XPO4: variants seen among roughly 807,000 people sequenced by gnomAD.
XPO4 encodes the protein exportin 4.
Under a neutral mutation model 143.0 loss-of-function variants are expected in XPO4, and 39 were observed. The ratio of observed to expected loss-of-function variants is 0.27; its 90% CI spans 0.21 to 0.36. The LOEUF is 0.36. XPO4 is among the 10% of genes least tolerant of loss of function. XPO4 has a pLI of 1.00. For synonymous variants in XPO4, 439 were observed against 474.0 expected (o/e 0.93, Z 0.96); for missense variants, 907 against 1,348.0 (o/e 0.67, Z 5.12).
intron 1 of XPO4, among the ~76,000 whole-genome samples, chr13:20,887,369 A>G (rs981572251): frequency 6.6e-5 from 10 of 152,298 alleles, no homozygotes; most frequent in African/African-American, 1.2e-4. Context: ...TCCACGTTGT[A>G]TATATATATT....
intron 9 of XPO4, among the ~76,000 whole-genome samples, chr13:20,817,277 A>C (rs1037651349): frequency 3.9e-5 from 6 of 152,204 alleles, no homozygotes; most frequent in African/African-American, 1.2e-4. Flanking sequence ...ACATAACCTC[A>C]CTACAAAGTA....
At chr13:20,849,660 T>C (rs2138081717) in intron 4 of XPO4, 1 of 984,938 alleles carries the variant, frequency 1.0e-6, no homozygotes, top group Non-Finnish European at 1.2e-6. Flanking sequence ...TTAATAATCA[T>C]ACAGGCATAA....
At chr13:20,824,714 G>A (rs2059762713) in intron 7 of XPO4, among the ~76,000 whole-genome samples, 1 of 152,082 alleles carries the variant, frequency 6.6e-6, no homozygotes, top group African/African-American at 2.4e-5. Context: ...ATCACCACCT[G>A]AATATGGAAA....
At position 20,863,203 on chromosome 13, in the gene XPO4, T is replaced by C. The variant is rs1013493197; in HGVS notation, c.176-345A>G. On this transcript the variant is annotated intron_variant, in intron 2 of 22. Coordinates refer to ENST00000255305, the MANE Select transcript of XPO4 (RefSeq NM_022459.5). ...AAAATTTCCTAAGATTCTCACCCTG[T>C]GCAAAACAGAACTTTGTATCTGAAA... is the stretch of plus-strand genomic sequence containing the variant. The C allele has an allele frequency of 3.9e-6, 3 of 760,526 alleles. No individual in the cohort carries two copies. In the South Asian group the frequency reaches 1.7e-4, roughly 42 times the overall value. 47.1% of individuals were successfully genotyped at this position (760,526 alleles called of 1,614,324 possible).
intron 4 of XPO4, chr13:20,852,650 A>G (rs1228596075): frequency 2.1e-6 from 2 of 966,604 alleles, no homozygotes; most frequent in Non-Finnish European, 1.2e-6. Context: ...CATTTAAATA[A>G]TGATTATGAA....
intron 1 of XPO4, among the ~76,000 whole-genome samples, chr13:20,870,446 A>C (rs2060284744): frequency 6.6e-6 from 1 of 151,426 alleles, no homozygotes; most frequent in Admixed American, 6.6e-5. Context: ...AAAAAAAAAA[A>C]AATTTACTAA....
intron 1 of XPO4, among the ~76,000 whole-genome samples, chr13:20,882,914 A>C (rs2060426467): frequency 6.6e-6 from 1 of 151,320 alleles, no homozygotes; most frequent in Admixed American, 6.6e-5. Flanking sequence ...AGGGAGTGTA[A>C]GAGAATAAAG....
chr13:20,795,936 C>G, intron 18 of XPO4, 140 bp downstream of exon 18: 1 of 910,320 alleles, frequency 1.1e-6, no homozygotes, highest in South Asian at 1.9e-5. Context: ...TCCTCACCCT[C>G]ACTTTGACCA....
rs940962882 is a variant in XPO4, at chr13:20,852,239, G to A, written c.456+3388C>T. 1.6e-5 allele frequency: 16 copies of A among 985,310 alleles called. No homozygotes were observed. The Admixed American group carries it at 2.5e-4, about 15-fold the overall frequency. 61.0% of individuals were successfully genotyped at this position (985,310 alleles called of 1,614,324 possible). A position where few individuals can be genotyped will look rare whatever the true frequency, so the allele number is the denominator to read the frequency against. ...CAAGTTTAAATCCTGTCTGTCACAA[G>A]GAGCTGGACTCCTTTACTGCACACT... On this transcript the variant is annotated intron_variant, in intron 4 of 22. Transcript: ENST00000255305.
At chr13:20,866,241 C>G (rs903955151) in intron 2 of XPO4, 1 of 933,146 alleles carries the variant, frequency 1.1e-6, no homozygotes, top group African/African-American at 1.8e-5. Flanking sequence ...CACAGATACA[C>G]CACACACACA....
chr13:20,810,072 A>T, intron 9 of XPO4, 105 bp from the exon 10 acceptor site: 1 of 930,078 alleles, frequency 1.1e-6, no homozygotes, highest in Non-Finnish European at 1.5e-6. Context: ...CCTTTAACAG[A>T]GCTTCCCAAT....
rs932997064 is a variant in XPO4, at chr13:20,780,973, G to T, written c.*2749C>A. 1.3e-5 allele frequency: 2 copies of T among 152,106 alleles called. No homozygotes were observed. The highest frequency in any genetic ancestry group is 4.8e-5 in the African/African-American group (2 of 41,404). The allele number at this position is 152,106 out of a possible 1,614,324, so 9.4% of individuals were successfully genotyped here. On this transcript the variant is annotated 3_prime_UTR_variant, in exon 23 of 23. Transcript: ENST00000255305. ...TGATTGTGCCTTGGGAAATAAATGG[G>T]TCAAGGAAAATAAAATGAGAAACAA... is the stretch of plus-strand genomic sequence containing the variant.
At chr13:20,848,493 C>T (rs561047815) in intron 4 of XPO4, 780 of 985,264 alleles carry the variant, frequency 7.9e-4, no homozygotes, top group Non-Finnish European at 8.8e-4. Flanking sequence ...CATGTAATTA[C>T]ACCAGGTTAC....
intron 1 of XPO4, among the ~76,000 whole-genome samples, chr13:20,898,642 T>A (rs570222689): frequency 6.6e-6 from 1 of 152,314 alleles, no homozygotes; most frequent in African/African-American, 2.4e-5. Flanking sequence ...CACTATCTTA[T>A]ATTATTGCTA....
At chr13:20,841,483 T>C (rs1215687957) in intron 6 of XPO4, among the ~76,000 whole-genome samples, 1 of 152,140 alleles carries the variant, frequency 6.6e-6, no homozygotes, top group East Asian at 1.9e-4. Context: ...TAAGTTAATA[T>C]ATTAAAGATA....
rs961573981 is a variant in XPO4, at chr13:20,782,386, C to T, written c.*1336G>A. ...GTGTATAAATTAGCTTTCATTTCCA[C>T]ATTGTAAGCTGGCACACTGAATTAG... On this transcript the variant is annotated 3_prime_UTR_variant, in exon 23 of 23. Coordinates refer to ENST00000255305, the MANE Select transcript of XPO4 (RefSeq NM_022459.5). The T allele has an allele frequency of 3.3e-5, 5 of 152,350 alleles. No homozygotes were observed. Among genetic ancestry groups the T allele is most frequent in the Non-Finnish European group, 7.3e-5 (5 of 68,036 alleles). The allele number at this position is 152,350 out of a possible 1,614,324, so 9.4% of individuals were successfully genotyped here.
intron 4 of XPO4, chr13:20,848,431 C>T: frequency 1.0e-6 from 1 of 985,352 alleles, no homozygotes; most frequent in South Asian, 4.7e-5. Context: ...CTCTGCCATA[C>T]CTAATTTGCA....
intron 1 of XPO4, among the ~76,000 whole-genome samples, chr13:20,874,652 G>A (rs1211635099): frequency 5.3e-5 from 8 of 152,192 alleles, no homozygotes; most frequent in Non-Finnish European, 1.0e-4. Context: ...ATCAGATGCC[G>A]GCACCATGCT....
chr13:20,809,145 T>A lies in XPO4; in HGVS notation c.1431A>T (p.Gln477His). The A allele has an allele frequency of 6.2e-7, 1 of 1,614,170 alleles. No homozygotes were observed. Among genetic ancestry groups the A allele is most frequent in the Non-Finnish European group, 8.5e-7 (1 of 1,180,004 alleles). The change falls in exon 11 of 23, where the codon CAA becomes CAT. Residue 477 changes from glutamine (Q) to histidine (H), a missense_variant. By Grantham distance (24) the Gln-to-His change is conservative. Transcript: ENST00000255305. Reference sequence around the variant, plus strand: ...TTCCTAGCATTCCTACACTGGCCAGTTGATCAGAAAACTGGTCTCGATCAT... The same window carrying A: ...TTCCTAGCATTCCTACACTGGCCAGATGATCAGAAAACTGGTCTCGATCAT... The part of the protein sequence containing the change: ...QEDDRDQFSD[Q>H]LASVGMLGRI...
Sources: gnomAD v4.1 joint callset for allele counts (sites outside exome capture counted in the v4.1 genomes callset) on GRCh38, gnomAD v4.1.1 for gene constraint, MANE v1.5 for transcripts, NCBI Gene and HGNC (gene_info 2026-07-23, HGNC 2026-07-21) for gene names.